SARDH: variants seen among roughly 807,000 people sequenced by gnomAD.
SARDH encodes sarcosine dehydrogenase, also known as sarcosine dehydrogenase, mitochondrial.
A neutral mutation model predicts 109.1 loss-of-function variants in SARDH; 95 were observed. The ratio of observed to expected loss-of-function variants is 0.87; its 90% CI spans 0.74 to 1.03. The LOEUF (loss-of-function observed/expected upper bound fraction) is 1.03, where lower values mean the gene tolerates loss of function less well. SARDH is among the 50% of genes least tolerant of loss of function. SARDH has a pLI of 0.00. For missense variants in SARDH, 1,267 were observed against 1,287.8 expected (o/e 0.98, Z 0.25); for synonymous variants, 572 against 534.8 (o/e 1.07, Z -0.96).
chr9:133,706,153 T>C (rs1390953889), intron 11 of SARDH, among the ~76,000 whole-genome samples: 2 of 152,198 alleles, frequency 1.3e-5, no homozygotes, highest in Non-Finnish European at 2.9e-5. Flanking sequence ...ACAAATTCCG[T>C]TCACGCATGT....
At chr9:133,714,176 G>A (rs525412) in intron 8 of SARDH, among the ~76,000 whole-genome samples, 30,401 of 152,138 alleles carry the variant, frequency 0.2, 3,235 homozygotes, top group Middle Eastern at 0.24. Context: ...AGTCTGGGGG[G>A]TCATCCTCTG....
intron 2 of SARDH, among the ~76,000 whole-genome samples, chr9:133,733,438 G>C (rs1378351573): frequency 6.6e-6 from 1 of 152,204 alleles, no homozygotes; most frequent in Non-Finnish European, 1.5e-5. Context: ...AATGAGAACT[G>C]TAGAAGCCTC....
At chr9:133,710,354 C>A (rs958988953) in intron 10 of SARDH, among the ~76,000 whole-genome samples, 2 of 152,246 alleles carry the variant, frequency 1.3e-5, no homozygotes, top group Non-Finnish European at 2.9e-5. Context: ...AAGGAACTCA[C>A]GCGCAGGGCG....
intron 14 of SARDH, among the ~76,000 whole-genome samples, chr9:133,695,304 A>G (rs1831243538): frequency 6.6e-6 from 1 of 152,158 alleles, no homozygotes; most frequent in South Asian, 2.1e-4. Context: ...ATAGTTGGGC[A>G]TGGTGGTGTG....
chr9:133,710,313 G>A (rs1831869353), intron 10 of SARDH, among the ~76,000 whole-genome samples: 1 of 152,246 alleles, frequency 6.6e-6, no homozygotes. Context: ...CAGATATGGG[G>A]CTGGAGAGAC....
chr9:133,720,621 A>C (rs1348617739), intron 6 of SARDH, among the ~76,000 whole-genome samples: 2 of 151,772 alleles, frequency 1.3e-5, no homozygotes, highest in Non-Finnish European at 2.9e-5. Context: ...TGAGGAGCAA[A>C]GGCATGTCTT....
At chr9:133,722,338 A>G (rs556131374) in intron 6 of SARDH, among the ~76,000 whole-genome samples, 2 of 152,188 alleles carry the variant, frequency 1.3e-5, no homozygotes, top group Admixed American at 1.3e-4. Context: ...AACACTTAAC[A>G]AACTTGGAAG....
rs558299348 is a variant in SARDH, at chr9:133,706,908, T to C, written c.1470+1379A>G. Among the ~76,000 whole-genome samples the C allele has an allele frequency of 4.3e-4, 65 of 152,174 alleles. 1 individual carries two copies. The highest frequency in any genetic ancestry group is 1.5e-3 in the African/African-American group (62 of 41,528). On this transcript the variant is annotated intron_variant, in intron 11 of 20. Transcript: ENST00000439388. ...AGGAGGCACGCCCAAGGCCACAGCATTCATCAATGACATGGACATGTCCTC... is the reference window on the plus strand; with the variant it reads ...AGGAGGCACGCCCAAGGCCACAGCACTCATCAATGACATGGACATGTCCTC...
chr9:133,670,555 G>C (rs10993958), intron 19 of SARDH, 29 bp downstream of exon 19: 2 of 1,554,728 alleles, frequency 1.3e-6, no homozygotes, highest in Admixed American at 3.9e-5. Context: ...AGTTGCTTCC[G>C]GGTGGGCGTG....
intron 15 of SARDH, among the ~76,000 whole-genome samples, chr9:133,691,668 C>A (rs557204551): frequency 1.3e-5 from 2 of 152,322 alleles, no homozygotes; most frequent in East Asian, 3.9e-4. Context: ...CCACCTTGAT[C>A]ACATTGTGTA....
chr9:133,735,570 A>C (rs1306300784), intron 1 of SARDH, among the ~76,000 whole-genome samples: 1 of 152,198 alleles, frequency 6.6e-6, no homozygotes, highest in Non-Finnish European at 1.5e-5. Context: ...CAATCCACAC[A>C]ATCAGCCTCC....
chr9:133,731,135 A>C, intron 4 of SARDH, among the ~76,000 whole-genome samples, 170 bp downstream of exon 4: 1 of 152,216 alleles, frequency 6.6e-6, no homozygotes, highest in South Asian at 2.1e-4. Context: ...ACGAAGGCAT[A>C]GCCTCCCCTT....
intron 6 of SARDH, 56 bp downstream of exon 6, chr9:133,729,709 A>G: frequency 6.6e-7 from 1 of 1,506,040 alleles, no homozygotes; most frequent in Non-Finnish European, 9.1e-7. Context: ...TGGGATTCAG[A>G]GCCAGGTCTC....
At chr9:133,696,441 C>T in intron 13 of SARDH, 80 bp from the exon 14 acceptor site, 1 of 1,580,946 alleles carries the variant, frequency 6.3e-7, no homozygotes, top group South Asian at 1.1e-5. Flanking sequence ...AGAACGGGGG[C>T]TGTGTCCAAC....
chr9:133,702,954 C>T lies in SARDH; in HGVS notation c.1630G>A (p.Asp544Asn). 1 of 1,613,146 alleles carries T rather than the reference C, an allele frequency of 6.2e-7. No individual in the cohort carries two copies. Among genetic ancestry groups the T allele is most frequent in the East Asian group, 2.2e-5 (1 of 44,842 alleles). Residue 544 changes from aspartate (D) to asparagine (N), a missense_variant, in exon 13 of 21, where the codon GAC (aspartate) becomes AAC (asparagine). Physicochemically the swap from Asp to Asn is conservative, Grantham distance 23 (BLOSUM62 1). Coordinates refer to ENST00000439388, the MANE Select transcript of SARDH (RefSeq NM_001134707.2). Reference sequence around the variant, plus strand: ...GGCGGGAAGGCGAAGGTGTACTCGTCTGCCAGCAGCCTGCGGTAGGCGTAG... The same window carrying T: ...GGCGGGAAGGCGAAGGTGTACTCGTTTGCCAGCAGCCTGCGGTAGGCGTAG... ...EDYAYRRLLA[D>N]EYTFAFPPHH...
intron 19 of SARDH, among the ~76,000 whole-genome samples, chr9:133,668,320 CCTCCCT>C (rs1289006431): frequency 2.2e-5 from 3 of 135,576 alleles, no homozygotes; most frequent in Admixed American, 7.2e-5. Context: ...TCTCCCCCAC[CCTCCCT>C]CTCCCTCTCC....
Position 133,670,638 on chromosome 9 carries a change from T to G in SARDH, c.2441A>C (p.Glu814Ala). ...PVPFLGREALEQQRAAGLRRR... is the reference protein window; with the variant it reads ...PVPFLGREALAQQRAAGLRRR... Reference sequence around the variant, plus strand: ...GCGGAGGCCTGCGGCCCGCTGCTGCTCCAGGGCCTCCCTCCCCAGGAAGGG... The same window carrying G: ...GCGGAGGCCTGCGGCCCGCTGCTGCGCCAGGGCCTCCCTCCCCAGGAAGGG... Residue 814 changes from glutamate to alanine, a missense_variant, in exon 19 of 21, where the codon GAG becomes GCG. By Grantham distance (107) the Glu-to-Ala change is moderately radical. Transcript: ENST00000439388. 1 of 1,585,508 alleles carries G rather than the reference T, an allele frequency of 6.3e-7. No individual in the cohort carries two copies. The highest frequency in any genetic ancestry group is 8.6e-7 in the Non-Finnish European group (1 of 1,166,510).
intron 15 of SARDH, among the ~76,000 whole-genome samples, chr9:133,691,637 G>T (rs1445394959): frequency 1.3e-5 from 2 of 152,208 alleles, no homozygotes; most frequent in African/African-American, 4.8e-5. Context: ...TTACTTTTGA[G>T]ATTGACAGCT....
chr9:133,729,324 C>A (rs577105115), intron 6 of SARDH, among the ~76,000 whole-genome samples: 197 of 152,208 alleles, frequency 1.3e-3, no homozygotes, highest in Non-Finnish European at 2.2e-3. Context: ...CCCAGGCCCC[C>A]AACCTCCCTT....
Sources: allele counts gnomAD v4.1 joint callset (sites outside exome capture counted in the v4.1 genomes callset), GRCh38; gene constraint gnomAD v4.1.1; transcripts MANE v1.5; gene names NCBI Gene and HGNC (gene_info 2026-07-23, HGNC 2026-07-21).